Variants in SPAG16 observed in about 807,000 individuals in gnomAD.
The protein encoded by SPAG16 is sperm-associated antigen 16 protein.
SPAG16 carries 86 observed loss-of-function variants against 80.4 expected under a neutral mutation model. The observed-to-expected ratio is 1.07, with a 90% CI of 0.90 to 1.28. SPAG16 has a LOEUF of 1.28. Among genes scored for constraint, SPAG16 ranks in the 50% most tolerant of loss-of-function variants. The pLI, the probability that SPAG16 is intolerant of heterozygous loss-of-function variation, is 0.00. For synonymous variants in SPAG16, 294 were observed against 265.9 expected, an observed-to-expected ratio of 1.11 and a Z score of -1.03; for missense variants, 870 against 765.3, an observed-to-expected ratio of 1.14 and a Z score of -1.61.
chr2:213,289,689 A>C (rs561793641), intron 1 of SPAG16, among the ~76,000 whole-genome samples: 1 of 152,376 alleles, frequency 6.6e-6, no homozygotes, highest in East Asian at 1.9e-4. Flanking sequence ...AATGTTGATC[A>C]TGGAAGATCC....
At chr2:213,767,028 A>G (rs920352119) in intron 10 of SPAG16, among the ~76,000 whole-genome samples, 1 of 152,146 alleles carries the variant, frequency 6.6e-6, no homozygotes, top group Non-Finnish European at 1.5e-5. Flanking sequence ...TCTCCATATC[A>G]CCAGTTGTTT....
chr2:213,345,739 T>G (rs975228602), intron 6 of SPAG16, among the ~76,000 whole-genome samples: 1 of 150,746 alleles, frequency 6.6e-6, no homozygotes, highest in African/African-American at 2.4e-5. Flanking sequence ...CATTGGTCTA[T>G]ATCTCTGTTT....
At chr2:214,362,102 T>A (rs889630132) in intron 15 of SPAG16, among the ~76,000 whole-genome samples, 1 of 151,898 alleles carries the variant, frequency 6.6e-6, no homozygotes. Context: ...ATCACATAAA[T>A]GTTCATTGCA....
chr2:213,833,448 T>C, intron 10 of SPAG16, among the ~76,000 whole-genome samples: 1 of 866 alleles, frequency 1.2e-3, no homozygotes, highest in Non-Finnish European at 0.083. Context: ...TGTGTATATA[T>C]ATATATTATA....
At chr2:213,424,630 G>C (rs1400554315) in intron 9 of SPAG16, among the ~76,000 whole-genome samples, 2 of 152,058 alleles carry the variant, frequency 1.3e-5, no homozygotes, top group African/African-American at 4.8e-5. Context: ...CTACCTTAAT[G>C]ACTCTAATGG....
intron 15 of SPAG16, among the ~76,000 whole-genome samples, chr2:214,303,791 T>G (rs761701710): frequency 1.3e-4 from 20 of 152,214 alleles, no homozygotes; most frequent in Non-Finnish European, 2.6e-4. Context: ...TATTTAGGTT[T>G]TTTTTCCTTT....
chr2:214,240,637 T>G (rs1689393645), intron 15 of SPAG16: 1 of 152,206 alleles, frequency 6.6e-6, no homozygotes, highest in Admixed American at 6.5e-5. Flanking sequence ...ATTCATAAAA[T>G]TTAGCTATAC....
chr2:214,145,064 T>A (rs1314397545), intron 14 of SPAG16, among the ~76,000 whole-genome samples: 1 of 152,116 alleles, frequency 6.6e-6, no homozygotes, highest in East Asian at 1.9e-4. Flanking sequence ...TACAATGCCA[T>A]AAGATATGTT....
chr2:213,350,233 T>A (rs1276620657), intron 6 of SPAG16, among the ~76,000 whole-genome samples: 1 of 152,152 alleles, frequency 6.6e-6, no homozygotes. Context: ...TTTTAAAAAA[T>A]TTCATGGGTA....
intron 11 of SPAG16, among the ~76,000 whole-genome samples, chr2:213,894,987 CAAAAAAAAAAAAAAAAA>C (rs71063793): frequency 2.0e-5 from 1 of 49,290 alleles, no homozygotes; most frequent in African/African-American, 1.2e-4. Context: ...GGCTCCATCT[CAAAAAAAAAAAAAAAAA>C]AAAAAAAAAA....
At chr2:213,426,601 G>A (rs2069929517) in intron 9 of SPAG16, among the ~76,000 whole-genome samples, 1 of 151,838 alleles carries the variant, frequency 6.6e-6, no homozygotes. Flanking sequence ...CTGCTAACTA[G>A]TTTTTATAAT....
At chr2:214,246,254 TC>T (rs1689839858) in intron 15 of SPAG16, among the ~76,000 whole-genome samples, 1 of 72,226 alleles carries the variant, frequency 1.4e-5, no homozygotes, top group Admixed American at 1.7e-4. Flanking sequence ...ACATTGTTTT[TC>T]TCTTAGTGGC....
chr2:214,308,132 C>T (rs1297951361), intron 15 of SPAG16, among the ~76,000 whole-genome samples: 7 of 152,106 alleles, frequency 4.6e-5, no homozygotes, highest in Non-Finnish European at 4.4e-5. Flanking sequence ...AACCCTTTAC[C>T]ATTATGTAAT....
intron 13 of SPAG16, among the ~76,000 whole-genome samples, chr2:214,058,386 G>C (rs528356253): frequency 6.6e-6 from 1 of 152,094 alleles, no homozygotes; most frequent in South Asian, 2.1e-4. Context: ...GCTGTTCCAT[G>C]GAGCAAGCAG....
intron 15 of SPAG16, among the ~76,000 whole-genome samples, chr2:214,329,303 T>C (rs978839407): frequency 1.1e-4 from 17 of 148,068 alleles, no homozygotes; most frequent in African/African-American, 3.7e-4. Flanking sequence ...AAGAAAGAAT[T>C]CTTATTATGT....
chr2:213,782,757 CTAACTT>C (rs1304577874), intron 10 of SPAG16, among the ~76,000 whole-genome samples: 2 of 152,132 alleles, frequency 1.3e-5, no homozygotes, highest in African/African-American at 4.8e-5. Flanking sequence ...GACTCCTACT[CTAACTT>C]TAGTGAAATT....
In SPAG16 at chr2:214,048,903, T is replaced by C. The variant is rs186767905; in HGVS notation, c.1527+34826T>C. Among the ~76,000 whole-genome samples the C allele has an allele frequency of 4.1e-4, 62 of 152,180 alleles. 1 individual carries two copies. The highest frequency in any genetic ancestry group is 1.4e-3 in the African/African-American group (60 of 41,538). On this transcript the variant is annotated intron_variant, in intron 13 of 15. Coordinates refer to ENST00000331683, the MANE Select transcript of SPAG16 (RefSeq NM_024532.5). ...TTGGTGAAATATAAGGAGAATTTAG[T>C]AGTTTAGACTCCCTCCCTCCCTCCC...
In SPAG16 at chr2:214,162,511, A is replaced by G. The variant is rs148761509; in HGVS notation, c.1720+13245A>G. ...GGAACAATAATGACTATAGAGGGAG[A>G]TTCAACTTTATTTCTCTTTCTAATA... is the stretch of plus-strand genomic sequence containing the variant. On this transcript the variant is annotated intron_variant, in intron 15 of 15. Transcript: ENST00000331683. Among the ~76,000 whole-genome samples, 36 of 152,140 alleles carry G rather than the reference A, an allele frequency of 2.4e-4. No homozygotes were observed. In the East Asian group the frequency reaches 6.6e-3, roughly 28 times the overall value.
rs568400505 is a variant in SPAG16 at position 213,899,541 on chromosome 2, G to A, written c.1215-30419G>A. Among the ~76,000 whole-genome samples, 27 of 152,166 alleles carry A rather than the reference G, an allele frequency of 1.8e-4. 1 individual carries two copies. In the South Asian group the frequency reaches 4.8e-3, roughly 27 times the overall value. The stretch of plus-strand genomic sequence containing the variant: ...GATTTAAAGCCTCTTCCAGGCTTGG[G>A]ATTCTAGAATTCTGTGATACATGAC... On this transcript the variant is annotated intron_variant, in intron 11 of 15. Transcript: ENST00000331683.
Sources: allele counts gnomAD v4.1 joint callset (sites outside exome capture counted in the v4.1 genomes callset), GRCh38; gene constraint gnomAD v4.1.1; transcripts MANE v1.5; gene names NCBI Gene and HGNC (gene_info 2026-07-23, HGNC 2026-07-21).